Variants in ZNF503 observed in about 807,000 individuals in gnomAD.
ZNF503 encodes NocA-like zinc finger 2.
In ZNF503, 15 loss-of-function variants were observed where a neutral mutation model predicts 34.4. The observed-to-expected ratio is 0.44, with a 90% CI of 0.29 to 0.67. The LOEUF (loss-of-function observed/expected upper bound fraction) is 0.67, where lower values mean the gene tolerates loss of function less well. Ranked by LOEUF, ZNF503 falls within the 30% of genes least tolerant of loss-of-function variation. The probability of loss-of-function intolerance (pLI) is 0.13; values close to 1 mark genes in which losing one functional copy is unlikely to be tolerated. For missense variants in ZNF503, 1,007 were observed against 926.8 expected, an observed-to-expected ratio of 1.09 and a Z score of -1.12; for synonymous variants, 580 against 456.8, an observed-to-expected ratio of 1.27 and a Z score of -3.44.
chr10:75,371,547 C>T, the ZNF503 span, among the ~76,000 whole-genome samples: 1 of 152,138 alleles, frequency 6.6e-6, no homozygotes, highest in Non-Finnish European at 1.5e-5. Flanking sequence ...TCTCATACAT[C>T]CTTGATTTCA....
chr10:75,329,434 C>CTTTCTTT, the ZNF503 span, among the ~76,000 whole-genome samples: 4 of 87,380 alleles, frequency 4.6e-5, no homozygotes, highest in African/African-American at 1.5e-4. Flanking sequence ...TTCCTTCCTT[C>CTTTCTTT]CTTTCTTTCT....
At chr10:75,375,071 G>A in the ZNF503 span, among the ~76,000 whole-genome samples, 1 of 152,176 alleles carries the variant, frequency 6.6e-6, no homozygotes, top group Non-Finnish European at 1.5e-5. Flanking sequence ...CAATGAGTTT[G>A]GGAAGGATTA....
the ZNF503 span, among the ~76,000 whole-genome samples, chr10:75,360,206 T>C: frequency 4.7e-5 from 7 of 149,268 alleles, no homozygotes; most frequent in Admixed American, 4.7e-4. Context: ...CTGCAAGCTC[T>C]GCCTCCTGGA....
the ZNF503 span, among the ~76,000 whole-genome samples, chr10:75,333,546 C>T: frequency 1.9e-3 from 135 of 71,172 alleles, 1 homozygote; most frequent in Non-Finnish European, 2.1e-3. Flanking sequence ...GGCAGAGGCG[C>T]CCCTCACCTC....
At chr10:75,351,540 C>T in the ZNF503 span, among the ~76,000 whole-genome samples, 2 of 152,180 alleles carry the variant, frequency 1.3e-5, no homozygotes, top group African/African-American at 4.8e-5. Flanking sequence ...GAGGACTCTC[C>T]ACTTTTCATA....
chr10:75,393,403 C>A (rs1328510694), downstream of ZNF503, among the ~76,000 whole-genome samples: 1 of 152,174 alleles, frequency 6.6e-6, no homozygotes, highest in African/African-American at 2.4e-5. Context: ...AAGTGACAGG[C>A]ACTGAGGAGG....
At chr10:75,322,846 A>T in the ZNF503 span, among the ~76,000 whole-genome samples, 4 of 152,118 alleles carry the variant, frequency 2.6e-5, no homozygotes, top group Non-Finnish European at 1.5e-5. Flanking sequence ...TCTCAAAACC[A>T]ACTAACCAAC....
the ZNF503 span, among the ~76,000 whole-genome samples, chr10:75,349,461 A>G: frequency 6.6e-6 from 1 of 152,360 alleles, no homozygotes; most frequent in African/African-American, 2.4e-5. Flanking sequence ...TTTATTACTT[A>G]TAATTAATGT....
the ZNF503 span, among the ~76,000 whole-genome samples, chr10:75,302,559 G>A: frequency 6.6e-6 from 1 of 152,172 alleles, no homozygotes; most frequent in African/African-American, 2.4e-5. Context: ...CCAGGGATGT[G>A]TAGGTACCTT....
chr10:75,384,622 G>A, the ZNF503 span, among the ~76,000 whole-genome samples: 1 of 152,076 alleles, frequency 6.6e-6, no homozygotes, highest in Non-Finnish European at 1.5e-5. Flanking sequence ...CAGGCCCCTA[G>A]CAGGGACACA....
the ZNF503 span, among the ~76,000 whole-genome samples, chr10:75,313,846 T>C: frequency 6.6e-6 from 1 of 152,058 alleles, no homozygotes; most frequent in East Asian, 1.9e-4. Context: ...AACCTCAGAG[T>C]CTTGGCTAGC....
At chr10:75,356,235 G>T in the ZNF503 span, among the ~76,000 whole-genome samples, 1 of 152,060 alleles carries the variant, frequency 6.6e-6, no homozygotes, top group African/African-American at 2.4e-5. Context: ...TTATTTTTTT[G>T]AGATGGAGTC....
downstream of ZNF503, among the ~76,000 whole-genome samples, chr10:75,395,535 G>T (rs1843687161): frequency 6.6e-6 from 1 of 152,076 alleles, no homozygotes; most frequent in African/African-American, 2.4e-5. The surrounding 1 kb of genome is among the most constrained non-coding windows in gnomAD (Gnocchi z 4.4). Context: ...GCCGCCAGCC[G>T]GCGCGCCGGG....
the ZNF503 span, among the ~76,000 whole-genome samples, chr10:75,372,281 C>T: frequency 6.6e-6 from 1 of 152,200 alleles, no homozygotes; most frequent in Admixed American, 6.5e-5. Flanking sequence ...AGCACATGTT[C>T]ACTGTAGAAA....
At chr10:75,355,133 C>T in the ZNF503 span, among the ~76,000 whole-genome samples, 50 of 152,318 alleles carry the variant, frequency 3.3e-4, no homozygotes, top group Non-Finnish European at 6.8e-4. Flanking sequence ...GCATGAGCCA[C>T]GGTGCCCAGC....
At chr10:75,307,513 T>C in the ZNF503 span, among the ~76,000 whole-genome samples, 1,557 of 152,350 alleles carry the variant, frequency 0.01, 31 homozygotes, top group African/African-American at 0.035. Context: ...CAGCAAGTGC[T>C]GATCAAGAAA....
At chr10:75,388,787 A>T in the ZNF503 span, among the ~76,000 whole-genome samples, 11 of 152,194 alleles carry the variant, frequency 7.2e-5, no homozygotes, top group Admixed American at 7.2e-4. Flanking sequence ...GGAATGTCTC[A>T]TTGGTCAGAA....
downstream of ZNF503, among the ~76,000 whole-genome samples, chr10:75,394,963 G>A (rs765389118): frequency 1.3e-5 from 2 of 152,226 alleles, no homozygotes; most frequent in African/African-American, 4.8e-5. Flanking sequence ...CAGGTAGGGG[G>A]ATAAGATTGG....
chr10:75,311,134 C>T, the ZNF503 span, among the ~76,000 whole-genome samples: 1 of 152,170 alleles, frequency 6.6e-6, no homozygotes, highest in Non-Finnish European at 1.5e-5. Context: ...AAGGAAGCCA[C>T]TCCAAGTCCC....
Sources: allele counts gnomAD v4.1 joint callset (sites outside exome capture counted in the v4.1 genomes callset), GRCh38; gene constraint gnomAD v4.1.1; non-coding constraint Gnocchi (gnomAD v3.1); transcripts MANE v1.5; gene names NCBI Gene and HGNC (gene_info 2026-07-23, HGNC 2026-07-21).